Variants in IMMP2L observed in about 807,000 individuals in gnomAD.
The protein encoded by IMMP2L is inner mitochondrial membrane peptidase subunit 2.
A neutral mutation model predicts 19.3 loss-of-function variants in IMMP2L; 18 were observed. That is an observed-to-expected ratio of 0.93 (90% CI 0.64 to 1.38). The LOEUF is 1.38. Ranked by LOEUF, IMMP2L falls within the 40% of genes most tolerant of loss-of-function variation. The pLI, the probability that IMMP2L is intolerant of heterozygous loss-of-function variation, is 0.00. For synonymous variants in IMMP2L, 76 were observed against 73.0 expected (o/e 1.04, Z -0.21); for missense variants, 233 against 218.2 (o/e 1.07, Z -0.43).
At chr7:110,974,075 A>G (rs1446576467) in intron 3 of IMMP2L, among the ~76,000 whole-genome samples, 3 of 152,116 alleles carry the variant, frequency 2.0e-5, no homozygotes, top group Non-Finnish European at 4.4e-5. Context: ...TACCTCTACA[A>G]TTGAGTAAAA....
chr7:111,409,108 T>C (rs1834147835), intron 3 of IMMP2L, among the ~76,000 whole-genome samples: 1 of 151,822 alleles, frequency 6.6e-6, no homozygotes, highest in South Asian at 2.1e-4. Flanking sequence ...CTATTATTCT[T>C]AAGAAACTTT....
At chr7:110,814,702 T>G (rs1201454767) in intron 5 of IMMP2L, among the ~76,000 whole-genome samples, 1 of 145,114 alleles carries the variant, frequency 6.9e-6, no homozygotes, top group South Asian at 2.1e-4. Flanking sequence ...CAAGTACAGA[T>G]ATATATATAT....
chr7:110,689,745 G>T (rs950293908), intron 5 of IMMP2L, among the ~76,000 whole-genome samples: 4 of 152,112 alleles, frequency 2.6e-5, no homozygotes, highest in African/African-American at 9.7e-5. Flanking sequence ...TTTGTTTGCA[G>T]TGTTTTATTT....
intron 3 of IMMP2L, among the ~76,000 whole-genome samples, chr7:111,360,711 G>A (rs1323068025): frequency 6.6e-6 from 1 of 152,142 alleles, no homozygotes; most frequent in African/African-American, 2.4e-5. Flanking sequence ...CCAGATACTT[G>A]GGATGCTGAG....
intron 3 of IMMP2L, among the ~76,000 whole-genome samples, chr7:110,965,613 T>C (rs1228162079): frequency 1.3e-5 from 2 of 151,968 alleles, no homozygotes; most frequent in Non-Finnish European, 2.9e-5. Context: ...TTCAAGCTAA[T>C]GAAATTAAGA....
intron 2 of IMMP2L, among the ~76,000 whole-genome samples, chr7:111,519,367 C>A (rs1846147690): frequency 6.6e-6 from 1 of 152,082 alleles, no homozygotes; most frequent in Non-Finnish European, 1.5e-5. Flanking sequence ...CCAATAAATC[C>A]CCTTTATACC....
chr7:110,799,763 C>T (rs1400869971), intron 5 of IMMP2L, among the ~76,000 whole-genome samples: 1 of 152,012 alleles, frequency 6.6e-6, no homozygotes, highest in East Asian at 1.9e-4. Flanking sequence ...TCAAGACAGC[C>T]TAGGCCAAGC....
chr7:110,906,241 T>C (rs1005495955), intron 4 of IMMP2L, among the ~76,000 whole-genome samples: 1 of 152,234 alleles, frequency 6.6e-6, no homozygotes, highest in Non-Finnish European at 1.5e-5. Flanking sequence ...AACTAGCATG[T>C]TTGGGAATAA....
At chr7:111,031,980 C>T (rs1012127306) in intron 3 of IMMP2L, among the ~76,000 whole-genome samples, 3 of 144,116 alleles carry the variant, frequency 2.1e-5, no homozygotes, top group East Asian at 2.0e-4. Context: ...ACTCTGTCAC[C>T]GAGGCTGGAG....
intron 5 of IMMP2L, among the ~76,000 whole-genome samples, chr7:110,815,560 C>G (rs1802428275): frequency 6.6e-6 from 1 of 152,080 alleles, no homozygotes; most frequent in Admixed American, 6.6e-5. Flanking sequence ...CCTCCTTGTA[C>G]CTCTGGTAGA....
intron 3 of IMMP2L, among the ~76,000 whole-genome samples, chr7:111,076,685 G>A (rs1795443191): frequency 6.6e-6 from 1 of 152,116 alleles, no homozygotes. Context: ...ATAATAGTGT[G>A]GTCAATTTGC....
intron 5 of IMMP2L, among the ~76,000 whole-genome samples, chr7:110,794,508 C>T (rs1051231401): frequency 6.6e-6 from 1 of 152,052 alleles, no homozygotes; most frequent in African/African-American, 2.4e-5. Flanking sequence ...AATGTATCTT[C>T]CATTATTATC....
chr7:111,552,782 T>C (rs1161045467), intron 1 of IMMP2L, among the ~76,000 whole-genome samples: 5 of 152,146 alleles, frequency 3.3e-5, no homozygotes, highest in Non-Finnish European at 4.4e-5. Flanking sequence ...GGCTGGTCTG[T>C]AGAACCAATT....
intron 3 of IMMP2L, among the ~76,000 whole-genome samples, chr7:111,020,437 T>C (rs1437242464): frequency 3.3e-5 from 5 of 151,650 alleles, no homozygotes; most frequent in Admixed American, 3.3e-4. Flanking sequence ...TTTAGGGAAC[T>C]TACGTTCTAC....
At chr7:111,391,460 G>A (rs545106557) in intron 3 of IMMP2L, among the ~76,000 whole-genome samples, 11 of 152,100 alleles carry the variant, frequency 7.2e-5, no homozygotes, top group South Asian at 4.2e-4. Flanking sequence ...AAGGATTATC[G>A]TATCCAAGAA....
intron 3 of IMMP2L, among the ~76,000 whole-genome samples, chr7:111,060,644 TAATTCAGTATCCATC>T (rs1793934264): frequency 6.6e-6 from 1 of 152,222 alleles, no homozygotes; most frequent in South Asian, 2.1e-4. Context: ...AAGATGGAGA[TAATTCAGTATCCATC>T]TTAGTGTTTT....
intron 5 of IMMP2L, among the ~76,000 whole-genome samples, chr7:110,737,618 C>T (rs1428397743): frequency 6.6e-6 from 1 of 152,166 alleles, no homozygotes; most frequent in Non-Finnish European, 1.5e-5. Context: ...GTCATAATCC[C>T]TTGGGAACTC....
intron 3 of IMMP2L, among the ~76,000 whole-genome samples, chr7:111,087,379 G>T (rs1176561875): frequency 3.3e-5 from 5 of 151,286 alleles, no homozygotes; most frequent in Non-Finnish European, 7.4e-5. Context: ...AACCCGGAAG[G>T]TGTTGGTTGC....
intron 3 of IMMP2L, among the ~76,000 whole-genome samples, chr7:111,025,740 A>G (rs1826740034): frequency 6.6e-6 from 1 of 152,196 alleles, no homozygotes; most frequent in Admixed American, 6.5e-5. Flanking sequence ...CATGATATTT[A>G]TTGAAGAAAT....
Sources: allele counts gnomAD v4.1 joint callset (sites outside exome capture counted in the v4.1 genomes callset), GRCh38; gene constraint gnomAD v4.1.1; transcripts MANE v1.5; gene names NCBI Gene and HGNC (gene_info 2026-07-23, HGNC 2026-07-21).